The following FAF1 variants were observed in gnomAD, a reference collection of about 807,000 sequenced individuals.
FAF1 encodes Fas associated factor 1.
Under a neutral mutation model 92.5 loss-of-function variants are expected in FAF1, and 25 were observed. The ratio of observed to expected loss-of-function variants is 0.27; its 90% CI spans 0.20 to 0.38. FAF1 has a LOEUF of 0.38. Among genes scored for constraint, FAF1 ranks in the 10% least tolerant of loss-of-function variants. FAF1 has a pLI of 1.00. For missense variants in FAF1, 636 were observed against 793.3 expected (o/e 0.80, Z 2.38); for synonymous variants, 234 against 273.2 (o/e 0.86, Z 1.42).
intron 6 of FAF1, among the ~76,000 whole-genome samples, chr1:50,718,547 T>C (rs1312787296): frequency 6.6e-6 from 1 of 152,252 alleles, no homozygotes; most frequent in East Asian, 1.9e-4. Context: ...GTTATTTCTT[T>C]TCTTGCACTG....
intron 7 of FAF1, among the ~76,000 whole-genome samples, chr1:50,674,587 T>C (rs906650846): frequency 1.3e-5 from 2 of 152,202 alleles, no homozygotes; most frequent in African/African-American, 4.8e-5. Context: ...AAGTGAATAT[T>C]GTCATGCAGT....
At chr1:50,644,396 C>T (rs1412270370) in intron 8 of FAF1, among the ~76,000 whole-genome samples, 1 of 152,204 alleles carries the variant, frequency 6.6e-6, no homozygotes, top group African/African-American at 2.4e-5. Flanking sequence ...CAGTTAACTA[C>T]TCTTTTTCCT....
intron 3 of FAF1, among the ~76,000 whole-genome samples, chr1:50,794,159 C>G (rs147651901): frequency 6.6e-6 from 1 of 152,206 alleles, no homozygotes; most frequent in African/African-American, 2.4e-5. Flanking sequence ...AATACAAGGG[C>G]TGCCACCTTG....
chr1:50,578,997 G>C (rs1650875159), intron 12 of FAF1, among the ~76,000 whole-genome samples: 1 of 152,134 alleles, frequency 6.6e-6, no homozygotes, highest in South Asian at 2.1e-4. Flanking sequence ...TCAGTCCAGA[G>C]AGGTCAGTGG....
intron 6 of FAF1, among the ~76,000 whole-genome samples, chr1:50,712,552 A>C (rs1156273716): frequency 2.0e-5 from 3 of 152,096 alleles, no homozygotes; most frequent in African/African-American, 4.8e-5. Context: ...GCTACTCGGG[A>C]GGCTGAGGTA....
At chr1:50,598,018 G>C (rs1047838319) in intron 8 of FAF1, among the ~76,000 whole-genome samples, 2 of 152,184 alleles carry the variant, frequency 1.3e-5, no homozygotes, top group Non-Finnish European at 2.9e-5. Context: ...TCCTGGCTGG[G>C]CGTGGTGGCT....
chr1:50,463,934 T>C (rs1646463096), intron 18 of FAF1, among the ~76,000 whole-genome samples: 1 of 152,192 alleles, frequency 6.6e-6, no homozygotes, highest in Admixed American at 6.5e-5. Flanking sequence ...TGAGAGGATT[T>C]TGCTTTGTGG....
At chr1:50,461,756 C>T (rs1002578358) in intron 18 of FAF1, among the ~76,000 whole-genome samples, 7 of 151,862 alleles carry the variant, frequency 4.6e-5, no homozygotes, top group African/African-American at 1.7e-4. Flanking sequence ...TAATTGAACA[C>T]CACTCTCAAT....
intron 6 of FAF1, among the ~76,000 whole-genome samples, chr1:50,737,488 A>T (rs1277129859): frequency 6.6e-6 from 1 of 152,240 alleles, no homozygotes; most frequent in Non-Finnish European, 1.5e-5. Context: ...ATACAGAACC[A>T]TACCTATAAC....
intron 18 of FAF1, among the ~76,000 whole-genome samples, chr1:50,445,520 C>T (rs919812936): frequency 6.6e-6 from 1 of 152,146 alleles, no homozygotes; most frequent in African/African-American, 2.4e-5. Context: ...GAAGTTGTTT[C>T]TAACCAAGCT....
chr1:50,685,900 CCTTT>C (rs1656635615), intron 7 of FAF1, among the ~76,000 whole-genome samples: 2 of 152,220 alleles, frequency 1.3e-5, no homozygotes, highest in Admixed American at 1.3e-4. Context: ...AAACCATTCT[CCTTT>C]CTAATGGATC....
chr1:50,551,633 C>T (rs1649314505), intron 13 of FAF1, among the ~76,000 whole-genome samples: 1 of 152,154 alleles, frequency 6.6e-6, no homozygotes, highest in Non-Finnish European at 1.5e-5. Context: ...CCAAAACTAA[C>T]TGTGAGTTTC....
At position 50,479,831 on chromosome 1, in the gene FAF1, G is replaced by A. The variant is rs150840771; in HGVS notation, c.1654-4152C>T. ...ACATCCCACACCAATGGACCAATGT[G>A]GAAAACAATGAAGAGATACGAGGTA... is the stretch of plus-strand genomic sequence containing the variant. On this transcript the variant is annotated intron_variant, in intron 17 of 18. Transcript: ENST00000396153. 7.9e-5 allele frequency among the ~76,000 whole-genome samples: 12 copies of A among 152,188 alleles called. No homozygotes were observed. The East Asian group carries it at 2.3e-3, about 29-fold the overall frequency.
At chr1:50,567,751 T>G (rs979931285) in intron 12 of FAF1, among the ~76,000 whole-genome samples, 2 of 152,112 alleles carry the variant, frequency 1.3e-5, no homozygotes, top group African/African-American at 4.8e-5. Flanking sequence ...TATAGATAAT[T>G]TTAAAGTCCT....
At chr1:50,645,683 C>A (rs906515335) in intron 8 of FAF1, among the ~76,000 whole-genome samples, 2 of 152,008 alleles carry the variant, frequency 1.3e-5, no homozygotes, top group African/African-American at 2.4e-5. Flanking sequence ...ATTAGCCAGG[C>A]GTGGTGGCAC....
intron 1 of FAF1, among the ~76,000 whole-genome samples, chr1:50,858,650 T>A (rs1189821317): frequency 1.3e-5 from 2 of 151,916 alleles, no homozygotes; most frequent in Non-Finnish European, 2.9e-5. Context: ...CTAGCTTAAA[T>A]AAAACATGTT....
chr1:50,500,568 T>A (rs1469118986), intron 15 of FAF1, among the ~76,000 whole-genome samples: 1 of 152,086 alleles, frequency 6.6e-6, no homozygotes, highest in Non-Finnish European at 1.5e-5. Flanking sequence ...ATAATACTTA[T>A]AAAGGAAACA....
At chr1:50,801,545 T>G in intron 3 of FAF1, 86 bp downstream of exon 3, 1 of 745,716 alleles carries the variant, frequency 1.3e-6, no homozygotes, top group Non-Finnish European at 2.4e-6. Context: ...CAATGCTCTA[T>G]TAAAAAATAA....
chr1:50,647,763 G>C (rs552305409), intron 8 of FAF1, among the ~76,000 whole-genome samples: 14 of 152,244 alleles, frequency 9.2e-5, no homozygotes, highest in African/African-American at 3.1e-4. Flanking sequence ...CAGTTACGGA[G>C]ACTGAGATCC....
Sources: gnomAD v4.1 joint callset for allele counts (sites outside exome capture counted in the v4.1 genomes callset) on GRCh38, gnomAD v4.1.1 for gene constraint, MANE v1.5 for transcripts, NCBI Gene and HGNC (gene_info 2026-07-23, HGNC 2026-07-21) for gene names.